Variants in C6orf58 observed in about 807,000 individuals in gnomAD.
C6orf58 encodes protein LEG1 homolog.
C6orf58 carries 30 observed loss-of-function variants against 37.0 expected under a neutral mutation model. The observed-to-expected ratio is 0.81, with a 90% confidence interval of 0.61 to 1.10. The LOEUF (loss-of-function observed/expected upper bound fraction) is 1.10, where lower values mean the gene tolerates loss of function less well. Ranked by LOEUF, C6orf58 falls within the 50% of genes least tolerant of loss-of-function variation. The pLI, the probability that C6orf58 is intolerant of heterozygous loss-of-function variation, is 0.00. For missense variants in C6orf58, 368 were observed against 387.5 expected (o/e 0.95, Z 0.42); for synonymous variants, 143 against 134.1 (o/e 1.07, Z -0.46).
At chr6:127,587,592 A>C (rs1775119929) in intron 4 of C6orf58, among the ~76,000 whole-genome samples, 1 of 152,202 alleles carries the variant, frequency 6.6e-6, no homozygotes, top group Admixed American at 6.5e-5. Context: ...ACAAGATTCA[A>C]GGCTAATGAT....
Position 127,577,464 on chromosome 6 carries a change from G to A in C6orf58, c.279G>A (p.Gln93=). ...ATATTTTATGGGGGTTGCCTCTGCA[G>A]TATGGCTGGCAATATAGGACAGGTA... ...EQNILWGLPL[Q]YGWQYRTGRL... is the part of the protein sequence containing the mutation. The change falls in exon 1 of 6, where the codon CAG becomes CAA. Residue 93 remains glutamine (Q), a synonymous_variant. Coordinates refer to ENST00000329722, the MANE Select transcript of C6orf58 (RefSeq NM_001010905.3). 1 of 1,613,622 alleles carries A rather than the reference G, an allele frequency of 6.2e-7. No homozygotes were observed. The highest frequency in any genetic ancestry group is 8.5e-7 in the Non-Finnish European group (1 of 1,179,628).
chr6:127,580,135 T>G, intron 2 of C6orf58, 130 bp from the exon 3 acceptor site: 1 of 614,836 alleles, frequency 1.6e-6, no homozygotes. Flanking sequence ...TTCAATATTT[T>G]TTTCCTAATG....
chr6:127,584,877 C>T (rs554470741), intron 4 of C6orf58, among the ~76,000 whole-genome samples: 54 of 152,150 alleles, frequency 3.5e-4, no homozygotes, highest in African/African-American at 1.3e-3. Context: ...CTTGAGTCAA[C>T]CTCATGATAT....
chr6:127,578,368 T>C (rs918494364), intron 1 of C6orf58, among the ~76,000 whole-genome samples: 47 of 152,012 alleles, frequency 3.1e-4, no homozygotes, highest in Admixed American at 1.3e-4. Flanking sequence ...CTCTCGACCA[T>C]CTCTTTTCAT....
At chr6:127,587,286 G>T (rs1166918508) in intron 4 of C6orf58, among the ~76,000 whole-genome samples, 1 of 151,972 alleles carries the variant, frequency 6.6e-6, no homozygotes, top group East Asian at 1.9e-4. Flanking sequence ...CCCTTCTATT[G>T]TCTCTTTAAT....
At chr6:127,582,838 T>A (rs1324506511) in intron 4 of C6orf58, among the ~76,000 whole-genome samples, 3 of 152,274 alleles carry the variant, frequency 2.0e-5, no homozygotes, top group East Asian at 3.9e-4. Context: ...CTCCTTATTT[T>A]GTAATTATTG....
chr6:127,587,292 T>C (rs1775117146), intron 4 of C6orf58, among the ~76,000 whole-genome samples: 1 of 152,124 alleles, frequency 6.6e-6, no homozygotes. Context: ...TATTGTCTCT[T>C]TAATTGGGAT....
At chr6:127,584,139 T>C (rs1261250317) in intron 4 of C6orf58, among the ~76,000 whole-genome samples, 1 of 152,244 alleles carries the variant, frequency 6.6e-6, no homozygotes, top group Non-Finnish European at 1.5e-5. Context: ...CTTTTCACTA[T>C]TGTTATAGCA....
chr6:127,591,654 A>G lies in C6orf58; in HGVS notation c.*32A>G. The G allele has an allele frequency of 1.4e-6, 2 of 1,458,176 alleles. No individual in the cohort carries two copies. Among genetic ancestry groups the G allele is most frequent in the Non-Finnish European group, 1.8e-6 (2 of 1,104,490 alleles). The allele number at this position is 1,458,176 out of a possible 1,614,324, so 90.3% of individuals were successfully genotyped here. On this transcript the variant is annotated 3_prime_UTR_variant, in exon 6 of 6. Transcript: ENST00000329722. ...TAACTTCAAACTTCAGGAAATGATTAATGAATTAAAAATGAAAAACTCGAA... is the reference window on the plus strand; with the variant it reads ...TAACTTCAAACTTCAGGAAATGATTGATGAATTAAAAATGAAAAACTCGAA...
intron 5 of C6orf58, 130 bp from the exon 6 acceptor site, chr6:127,591,413 T>C (rs1262698905): frequency 7.1e-6 from 6 of 844,714 alleles, no homozygotes; most frequent in Non-Finnish European, 1.0e-5. Flanking sequence ...TACTTTTCTT[T>C]GTATAATTTA....
chr6:127,578,621 G>A (rs1775014791), intron 1 of C6orf58, 65 bp from the exon 2 acceptor site: 5 of 1,090,716 alleles, frequency 4.6e-6, no homozygotes, highest in South Asian at 2.7e-5. Flanking sequence ...ATGTGGTTAA[G>A]CAATAGTTAC....
At chr6:127,587,727 T>C (rs1429513790) in intron 4 of C6orf58, among the ~76,000 whole-genome samples, 1 of 152,208 alleles carries the variant, frequency 6.6e-6, no homozygotes, top group Non-Finnish European at 1.5e-5. Context: ...TCAATTTTCT[T>C]ATTTTTAAAA....
chr6:127,578,217 G>A (rs148787965), intron 1 of C6orf58, among the ~76,000 whole-genome samples: 1,722 of 152,086 alleles, frequency 0.011, 14 homozygotes, highest in Non-Finnish European at 0.017. Context: ...AAACACCTTT[G>A]GTGCTTTTTC....
intron 4 of C6orf58, among the ~76,000 whole-genome samples, chr6:127,585,809 T>TCA (rs1775101006): frequency 1.3e-5 from 2 of 152,212 alleles, no homozygotes; most frequent in South Asian, 2.1e-4. Context: ...GATTTATCTT[T>TCA]CACACACCTT....
intron 2 of C6orf58, among the ~76,000 whole-genome samples, chr6:127,579,256 T>C (rs1775022890): frequency 6.6e-6 from 1 of 152,166 alleles, no homozygotes; most frequent in Admixed American, 6.6e-5. Flanking sequence ...AATGCTAAAA[T>C]AACCAGAAGG....
chr6:127,591,714 T>C lies in C6orf58; in HGVS notation c.*92T>C, dbSNP rs1775165576. On this transcript the variant is annotated 3_prime_UTR_variant, in exon 6 of 6. Coordinates refer to ENST00000329722, the MANE Select transcript of C6orf58 (RefSeq NM_001010905.3). ...CAGTAATTTCAAAAAATTAATGTCA[T>C]CATGACCATGTAGTTTATTCTTTCT... is the stretch of plus-strand genomic sequence containing the variant. The C allele has an allele frequency of 3.6e-6, 4 of 1,106,544 alleles. No individual in the cohort carries two copies. Among genetic ancestry groups the C allele is most frequent in the Non-Finnish European group, 4.8e-6 (4 of 834,070 alleles). The allele number at this position is 1,106,544 out of a possible 1,614,324, so 68.5% of individuals were successfully genotyped here.
At position 127,591,567 on chromosome 6, in the gene C6orf58, A is replaced by G. The variant is rs779666355; in HGVS notation, c.938A>G (p.Asn313Ser). The G allele has an allele frequency of 2.6e-6, 4 of 1,521,896 alleles. No individual in the cohort carries two copies. The highest frequency in any genetic ancestry group is 1.4e-5 in the South Asian group (1 of 73,040). The allele number at this position is 1,521,896 out of a possible 1,614,324, so 94.3% of individuals were successfully genotyped here. Residue 313 changes from asparagine (N) to serine (S), a missense_variant, in exon 6 of 6, where the codon AAT (asparagine) becomes AGT (serine). Asn to Ser is a conservative substitution (Grantham distance 46). Coordinates refer to ENST00000329722, the MANE Select transcript of C6orf58 (RefSeq NM_001010905.3). ...SIGYLCTEKSNVYRDHSESSS... is the reference protein window; with the variant it reads ...SIGYLCTEKSSVYRDHSESSS... ...GGTTATCTTTGTACAGAAAAATCTAATGTATATAGAGATCATTCGGAATCT... is the reference window on the plus strand; with the variant it reads ...GGTTATCTTTGTACAGAAAAATCTAGTGTATATAGAGATCATTCGGAATCT...
In C6orf58 at chr6:127,578,949, A is replaced by G. The variant is rs376229168; in HGVS notation, c.388+177A>G. 3.3e-5 allele frequency among the ~76,000 whole-genome samples: 5 copies of G among 152,120 alleles called. No individual in the cohort carries two copies. The South Asian group carries it at 6.2e-4, about 19-fold the overall frequency. On this transcript the variant is annotated intron_variant, in intron 2 of 5. Coordinates refer to ENST00000329722, the MANE Select transcript of C6orf58 (RefSeq NM_001010905.3). ...CACTTTAAGGGATTTAAGAGCCACA[A>G]TGTCAATAATGATTCCTTAGGACAT...
chr6:127,581,132 A>T (rs758276191), intron 3 of C6orf58, 50 bp from the exon 4 acceptor site: 7 of 811,684 alleles, frequency 8.6e-6, no homozygotes. Context: ...TTCAGGGAGA[A>T]GGATTTTATA....
Sources: allele counts gnomAD v4.1 joint callset (sites outside exome capture counted in the v4.1 genomes callset), GRCh38; gene constraint gnomAD v4.1.1; transcripts MANE v1.5; gene names NCBI Gene and HGNC (gene_info 2026-07-23, HGNC 2026-07-21).